Variants in RYR2 observed in about 807,000 individuals in gnomAD.
RYR2 encodes the protein ryanodine receptor 2.
In RYR2, 227 loss-of-function variants were observed where a neutral mutation model predicts 601.1. The ratio of observed to expected loss-of-function variants is 0.38; its 90% CI spans 0.34 to 0.42. The LOEUF (loss-of-function observed/expected upper bound fraction) is 0.42. RYR2 is among the 10% of genes least tolerant of loss of function. The pLI, the probability that RYR2 is intolerant of heterozygous loss-of-function variation, is 1.00. For synonymous variants in RYR2, 2,223 were observed against 2,175.1 expected (o/e 1.02, Z -0.61); for missense variants, 4,646 against 6,156.5 (o/e 0.75, Z 8.21).
chr1:237,155,337 G>A (rs12563915), intron 1 of RYR2, among the ~76,000 whole-genome samples: 2,832 of 151,646 alleles, frequency 0.019, 71 homozygotes, highest in South Asian at 0.095. Context: ...CACCACGCTC[G>A]GCTAATTTTT....
chr1:237,611,213 A>G (rs1274539926), intron 36 of RYR2, among the ~76,000 whole-genome samples: 1 of 152,230 alleles, frequency 6.6e-6, no homozygotes, highest in Non-Finnish European at 1.5e-5. Flanking sequence ...GTAGTTGAAG[A>G]TGCCACATGA....
chr1:237,374,061 A>G (rs1700842340), intron 6 of RYR2, among the ~76,000 whole-genome samples: 1 of 152,190 alleles, frequency 6.6e-6, no homozygotes, highest in Non-Finnish European at 1.5e-5. Context: ...AAAAGACTAC[A>G]ATTCCTTTAG....
chr1:237,396,345 T>C (rs1382475946), intron 10 of RYR2, among the ~76,000 whole-genome samples: 1 of 152,222 alleles, frequency 6.6e-6, no homozygotes, highest in Non-Finnish European at 1.5e-5. Flanking sequence ...GAAGAGTCTC[T>C]GGACCAATAG....
intron 1 of RYR2, among the ~76,000 whole-genome samples, chr1:237,161,197 G>A (rs1227736864): frequency 6.6e-6 from 1 of 152,072 alleles, no homozygotes; most frequent in African/African-American, 2.4e-5. Context: ...TAATTATAAT[G>A]TGTATTTGAT....
intron 80 of RYR2, among the ~76,000 whole-genome samples, chr1:237,742,687 T>C (rs570870729): frequency 2.6e-5 from 4 of 152,290 alleles, no homozygotes; most frequent in East Asian, 3.9e-4. Context: ...AAGAACAACA[T>C]GATGTCAAGT....
intron 2 of RYR2, among the ~76,000 whole-genome samples, chr1:237,323,904 C>G (rs746506661): frequency 6.6e-6 from 1 of 152,178 alleles, no homozygotes; most frequent in Non-Finnish European, 1.5e-5. Flanking sequence ...TTTCAAAAAG[C>G]TGACCTGAAC....
intron 10 of RYR2, among the ~76,000 whole-genome samples, chr1:237,396,509 T>C (rs1324982030): frequency 8.5e-5 from 13 of 152,238 alleles, no homozygotes; most frequent in Non-Finnish European, 2.9e-5. Context: ...AAATTATGTT[T>C]TCTCCCACTA....
intron 96 of RYR2, among the ~76,000 whole-genome samples, chr1:237,797,092 C>T (rs1191893775): frequency 6.6e-6 from 1 of 151,200 alleles, no homozygotes; most frequent in Non-Finnish European, 1.5e-5. Context: ...CCTCCATTTT[C>T]ATTACTGTGT....
intron 2 of RYR2, among the ~76,000 whole-genome samples, chr1:237,312,273 C>T (rs560323204): frequency 3.8e-4 from 58 of 152,224 alleles, no homozygotes; most frequent in Non-Finnish European, 6.6e-4. Context: ...TAGCTCCTTC[C>T]GTGGAATTCA....
intron 96 of RYR2, among the ~76,000 whole-genome samples, chr1:237,795,652 T>A (rs1439908535): frequency 1.3e-5 from 2 of 151,664 alleles, no homozygotes; most frequent in South Asian, 4.2e-4. Flanking sequence ...GGTTTCGCCA[T>A]GTTGGCCTGG....
intron 33 of RYR2, among the ~76,000 whole-genome samples, chr1:237,594,910 T>TTTTTG (rs1675695360): frequency 8.7e-6 from 1 of 114,466 alleles, no homozygotes; most frequent in African/African-American, 3.2e-5. Flanking sequence ...TTTTTTTTTT[T>TTTTTG]TTTTTTTTTT....
chr1:237,671,502 G>GGTGTGT (rs367893618), intron 58 of RYR2, among the ~76,000 whole-genome samples: 1 of 149,280 alleles, frequency 6.7e-6, no homozygotes, highest in African/African-American at 2.5e-5. Flanking sequence ...TTGGTGCCTG[G>GGTGTGT]GTGTGTGTGT....
intron 10 of RYR2, among the ~76,000 whole-genome samples, chr1:237,402,830 G>T (rs74198071): frequency 6.7e-6 from 1 of 149,228 alleles, no homozygotes; most frequent in South Asian, 2.1e-4. Context: ...TGGGCAGGCT[G>T]GAGTACAGCG....
chr1:237,614,880 T>G lies in RYR2; in HGVS notation c.5715+37T>G, dbSNP rs371117454. ...AAGAGACTTGAGTGAATTTCAGAATTGCTAAGCATTAAGGTATTAGAACAT... is the reference window on the plus strand; with the variant it reads ...AAGAGACTTGAGTGAATTTCAGAATGGCTAAGCATTAAGGTATTAGAACAT... On this transcript the variant is annotated intron_variant, in intron 37 of 104. Transcript: ENST00000366574. The surrounding 1 kb of genome is among the most constrained non-coding windows in gnomAD (Gnocchi z 4.3). The G allele has an allele frequency of 1.6e-5, 25 of 1,523,550 alleles. No homozygotes were observed. In the African/African-American group the frequency reaches 3.1e-4, roughly 19 times the overall value. The allele number at this position is 1,523,550 out of a possible 1,614,324, so 94.4% of individuals were successfully genotyped here.
At chr1:237,504,555 CAG>C (rs1347171719) in intron 22 of RYR2, among the ~76,000 whole-genome samples, 1 of 152,138 alleles carries the variant, frequency 6.6e-6, no homozygotes, top group Non-Finnish European at 1.5e-5. Flanking sequence ...ATGCAAGTCA[CAG>C]GGGATGCGAA....
chr1:237,253,180 AAC>A (rs1491202756), intron 1 of RYR2, among the ~76,000 whole-genome samples: 23 of 132,776 alleles, frequency 1.7e-4, no homozygotes, highest in Admixed American at 1.6e-3. Flanking sequence ...AAAAAAAAAA[AAC>A]AACAACAAAA....
At chr1:237,185,300 T>C (rs922248912) in intron 1 of RYR2, among the ~76,000 whole-genome samples, 1 of 152,152 alleles carries the variant, frequency 6.6e-6, no homozygotes, top group African/African-American at 2.4e-5. Context: ...CCCGGCTACA[T>C]AGAGGCCCTT....
At chr1:237,657,567 AATTTTAACAC>A (rs1683372347) in intron 53 of RYR2, among the ~76,000 whole-genome samples, 1 of 151,818 alleles carries the variant, frequency 6.6e-6, no homozygotes, top group Admixed American at 6.6e-5. Flanking sequence ...TATATTTAAA[AATTTTAACAC>A]ATCACTACTA....
intron 1 of RYR2, among the ~76,000 whole-genome samples, chr1:237,250,383 G>A (rs1183405472): frequency 1.3e-5 from 2 of 152,196 alleles, no homozygotes; most frequent in African/African-American, 2.4e-5. Flanking sequence ...TGCTAGTAGT[G>A]CATTTTATCT....
Sources: allele counts gnomAD v4.1 joint callset (sites outside exome capture counted in the v4.1 genomes callset), GRCh38; gene constraint gnomAD v4.1.1; non-coding constraint Gnocchi (gnomAD v3.1); transcripts MANE v1.5; gene names NCBI Gene and HGNC (gene_info 2026-07-23, HGNC 2026-07-21).